The following SPOCK3 variants were observed in gnomAD, a reference collection of about 807,000 sequenced individuals.
SPOCK3 encodes testican-3.
In SPOCK3, 30 loss-of-function variants were observed where a neutral mutation model predicts 56.6. The ratio of observed to expected loss-of-function variants is 0.53; its 90% CI spans 0.40 to 0.72. SPOCK3 has a LOEUF of 0.72. Ranked by LOEUF, SPOCK3 falls within the 30% of genes least tolerant of loss-of-function variation. SPOCK3 has a pLI of 0.00. For missense variants in SPOCK3, 527 were observed against 530.0 expected, an observed-to-expected ratio of 0.99 and a Z score of 0.06; for synonymous variants, 196 against 183.3, an observed-to-expected ratio of 1.07 and a Z score of -0.56.
intron 8 of SPOCK3, among the ~76,000 whole-genome samples, chr4:166,745,611 A>C (rs535056089): frequency 6.6e-6 from 1 of 152,320 alleles, no homozygotes; most frequent in East Asian, 1.9e-4. Context: ...TAACATCATA[A>C]CGATAGGATC....
At chr4:166,792,060 G>T (rs1741414964) in intron 7 of SPOCK3, 110 bp downstream of exon 7, 3 of 1,259,646 alleles carry the variant, frequency 2.4e-6, no homozygotes. Context: ...TTTTTATTCA[G>T]TATATATGCA....
Position 166,755,983 on chromosome 4 carries a change from A to G in SPOCK3, c.710-1254T>C, listed in dbSNP as rs1737020132. 2.3e-4 allele frequency among the ~76,000 whole-genome samples: 2 copies of G among 8,516 alleles called. 1 individual carries two copies. Among genetic ancestry groups the G allele is most frequent in the East Asian group, 1.8e-3 (2 of 1,136 alleles). The allele number at this position is 8,516 out of a possible 152,430, so 5.6% of individuals were successfully genotyped here. On this transcript the variant is annotated intron_variant, in intron 7 of 10. Transcript: ENST00000357545. ...CATTTCCATCTGAGGTACCGGGTTCATCTCACTAGGGAGTGCCAGACAGTG... is the reference window on the plus strand; with the variant it reads ...CATTTCCATCTGAGGTACCGGGTTCGTCTCACTAGGGAGTGCCAGACAGTG...
chr4:166,738,510 G>A (rs1004075673), intron 9 of SPOCK3, among the ~76,000 whole-genome samples: 9 of 148,096 alleles, frequency 6.1e-5, no homozygotes, highest in African/African-American at 2.3e-4. Context: ...GGGTACACGT[G>A]CACAATGTGC....
intron 6 of SPOCK3, among the ~76,000 whole-genome samples, chr4:166,874,628 CAT>C (rs1409835938): frequency 6.6e-6 from 1 of 152,164 alleles, no homozygotes; most frequent in Non-Finnish European, 1.5e-5. Flanking sequence ...TAAGCACACA[CAT>C]GTGTGGCCCC....
chr4:167,102,943 A>T (rs1294303639), intron 2 of SPOCK3, among the ~76,000 whole-genome samples: 2 of 150,834 alleles, frequency 1.3e-5, no homozygotes, highest in Non-Finnish European at 2.9e-5. Flanking sequence ...AAAAAAAAAA[A>T]AAAAGTCACT....
intron 7 of SPOCK3, among the ~76,000 whole-genome samples, chr4:166,773,386 G>A (rs576898181): frequency 6.6e-6 from 1 of 152,042 alleles, no homozygotes; most frequent in Non-Finnish European, 1.5e-5. Flanking sequence ...TAATGAAGGT[G>A]TGAAAAAACT....
chr4:167,069,039 A>C (rs190764007), intron 2 of SPOCK3, among the ~76,000 whole-genome samples: 1 of 151,938 alleles, frequency 6.6e-6, no homozygotes, highest in African/African-American at 2.4e-5. Flanking sequence ...AAGAATCCAA[A>C]GCTTCTGTTG....
At position 167,019,666 on chromosome 4, in the gene SPOCK3, T is replaced by C. The variant is rs540686831; in HGVS notation, c.236-19203A>G. Among the ~76,000 whole-genome samples, 9 of 152,192 alleles carry C rather than the reference T, an allele frequency of 5.9e-5. No individual in the cohort carries two copies. In the East Asian group the frequency reaches 9.7e-4, roughly 16 times the overall value. On this transcript the variant is annotated intron_variant, in intron 3 of 10. Transcript: ENST00000357545. ...CATGTATTCTTCAATTTTGTACCTG[T>C]ACACATTAAAGGTATTTATTTACCA...
At chr4:167,199,145 A>T (rs1311763876) in intron 2 of SPOCK3, among the ~76,000 whole-genome samples, 1 of 152,088 alleles carries the variant, frequency 6.6e-6, no homozygotes, top group African/African-American at 2.4e-5. Flanking sequence ...TCTAATACAT[A>T]AAGTCACAGA....
At chr4:166,902,177 A>G (rs972882245) in intron 5 of SPOCK3, among the ~76,000 whole-genome samples, 2 of 152,182 alleles carry the variant, frequency 1.3e-5, no homozygotes, top group African/African-American at 4.8e-5. Context: ...TTTTAAGTGT[A>G]CATTTCCACC....
chr4:166,806,532 G>A (rs1327671096), intron 6 of SPOCK3, among the ~76,000 whole-genome samples: 2 of 151,808 alleles, frequency 1.3e-5, no homozygotes, highest in South Asian at 4.1e-4. Flanking sequence ...CTATTTTCAA[G>A]GCTTCTCATG....
At chr4:167,013,507 T>A (rs904891097) in intron 3 of SPOCK3, among the ~76,000 whole-genome samples, 2 of 150,962 alleles carry the variant, frequency 1.3e-5, no homozygotes, top group Non-Finnish European at 3.0e-5. Context: ...TGAATATTAG[T>A]ATAAATAATA....
At chr4:167,119,988 G>T (rs1761734371) in intron 2 of SPOCK3, 1 of 616,054 alleles carries the variant, frequency 1.6e-6, no homozygotes, top group Non-Finnish European at 2.7e-6. Context: ...CGCTTCCACT[G>T]AAATATTTTA....
At chr4:167,039,130 G>T (rs143469461) in intron 3 of SPOCK3, among the ~76,000 whole-genome samples, 2 of 152,128 alleles carry the variant, frequency 1.3e-5, no homozygotes, top group Non-Finnish European at 2.9e-5. Context: ...CTCAGCAATC[G>T]TTGGTGTTCC....
chr4:166,993,845 G>A (rs1457845780), intron 4 of SPOCK3, among the ~76,000 whole-genome samples: 1 of 152,100 alleles, frequency 6.6e-6, no homozygotes, highest in Non-Finnish European at 1.5e-5. Flanking sequence ...AATAATTAAT[G>A]TTTATTGAGT....
chr4:167,205,285 TA>T (rs1484313246), intron 2 of SPOCK3, among the ~76,000 whole-genome samples: 2 of 50,934 alleles, frequency 3.9e-5, no homozygotes, highest in Non-Finnish European at 7.4e-5. Flanking sequence ...ATATTATATA[TA>T]TTTTATATCT....
intron 3 of SPOCK3, among the ~76,000 whole-genome samples, chr4:167,030,021 C>T (rs995424746): frequency 2.0e-5 from 3 of 151,768 alleles, no homozygotes. Flanking sequence ...TCTCGCTCTT[C>T]TATTGTTTCA....
chr4:166,935,655 T>A (rs1314169623), intron 4 of SPOCK3, among the ~76,000 whole-genome samples: 1 of 152,134 alleles, frequency 6.6e-6, no homozygotes, highest in African/African-American at 2.4e-5. Context: ...GTTATAGAGT[T>A]TGAGCATAAG....
intron 4 of SPOCK3, among the ~76,000 whole-genome samples, chr4:166,964,532 TA>T (rs1322603925): frequency 1.3e-4 from 20 of 151,846 alleles, no homozygotes; most frequent in Admixed American, 1.3e-3. Context: ...TCTCATCACA[TA>T]TTTGTATTCT....
Sources: allele counts gnomAD v4.1 joint callset (sites outside exome capture counted in the v4.1 genomes callset), GRCh38; gene constraint gnomAD v4.1.1; transcripts MANE v1.5; gene names NCBI Gene and HGNC (gene_info 2026-07-23, HGNC 2026-07-21).